GRIP2: variants seen among roughly 807,000 people sequenced by gnomAD.
GRIP2 encodes glutamate receptor interacting protein 2, also known as glutamate receptor-interacting protein 2.
In GRIP2, 58 loss-of-function variants were observed where a neutral mutation model predicts 108.3. That is an observed-to-expected ratio of 0.54 (90% CI 0.43 to 0.67). The LOEUF (loss-of-function observed/expected upper bound fraction) is 0.67, where lower values mean the gene tolerates loss of function less well. Ranked by LOEUF, GRIP2 falls within the 30% of genes least tolerant of loss-of-function variation. The probability of loss-of-function intolerance (pLI) is 0.00; values close to 1 mark genes in which losing one functional copy is unlikely to be tolerated. For missense variants in GRIP2, 1,278 were observed against 1,430.6 expected (o/e 0.89, Z 1.72); for synonymous variants, 586 against 598.2 (o/e 0.98, Z 0.30).
chr3:14,579,324 T>C, the GRIP2 span, among the ~76,000 whole-genome samples: 24 of 152,208 alleles, frequency 1.6e-4, no homozygotes, highest in Non-Finnish European at 3.2e-4. Context: ...GGTTGGTGGC[T>C]ACATAAAAAT....
At chr3:14,528,757 G>T (rs937630513) in intron 1 of GRIP2, among the ~76,000 whole-genome samples, 3 of 152,066 alleles carry the variant, frequency 2.0e-5, no homozygotes, top group African/African-American at 7.2e-5. Flanking sequence ...ATTTTAATTT[G>T]CATTTGTCTA....
At chr3:14,501,443 C>T (rs1693761985) in intron 21 of GRIP2, among the ~76,000 whole-genome samples, 1 of 152,084 alleles carries the variant, frequency 6.6e-6, no homozygotes, top group Non-Finnish European at 1.5e-5. Context: ...GACATAATAA[C>T]CAAGCTCCAA....
intron 1 of GRIP2, among the ~76,000 whole-genome samples, chr3:14,535,568 C>T (rs904598216): frequency 2.6e-5 from 4 of 152,178 alleles, no homozygotes; most frequent in Admixed American, 6.5e-5. Context: ...ACTTTTGAGG[C>T]GGTATAATCA....
chr3:14,543,788 CA>C (rs1695016171), upstream of GRIP2, among the ~76,000 whole-genome samples: 1 of 152,234 alleles, frequency 6.6e-6, no homozygotes, highest in Non-Finnish European at 1.5e-5. Context: ...AGCTGGCAGG[CA>C]GCCCCTCTTT....
At chr3:14,574,743 A>G in the GRIP2 span, 1 of 472,820 alleles carries the variant, frequency 2.1e-6, no homozygotes, top group East Asian at 4.7e-5. Context: ...GCAGCCTTTC[A>G]TCAGTGCTGC....
intron 11 of GRIP2, 23 bp from the exon 12 acceptor site, chr3:14,514,501 A>G: frequency 6.6e-7 from 1 of 1,523,838 alleles, no homozygotes; most frequent in Non-Finnish European, 8.9e-7. Context: ...TGGGCCCAGC[A>G]TTCAGGTGAG....
chr3:14,524,249 C>T (rs568618768), intron 4 of GRIP2, 144 bp downstream of exon 4: 491 of 911,548 alleles, frequency 5.4e-4, no homozygotes, highest in Middle Eastern at 3.5e-4. Flanking sequence ...AGCCCCTAGG[C>T]GAGGTATGGA....
chr3:14,593,037 T>C, the GRIP2 span, among the ~76,000 whole-genome samples: 1 of 152,148 alleles, frequency 6.6e-6, no homozygotes, highest in Admixed American at 6.5e-5. Flanking sequence ...GGTACACTCA[T>C]AGGCCAGGAC....
Position 14,511,581 on chromosome 3 carries a change from CT to C in GRIP2, c.1721-103del, listed in dbSNP as rs1246070137. 1 of 1,099,226 alleles carries C rather than the reference CT, an allele frequency of 9.1e-7. No homozygotes were observed. Among genetic ancestry groups the C allele is most frequent in the Non-Finnish European group, 1.3e-6 (1 of 740,900 alleles). The allele number at this position is 1,099,226 out of a possible 1,614,324, so 68.1% of individuals were successfully genotyped here. ...TGTGGACTCGGAGCCACTGGTCCTA[CT>C]CACATCCTGGTCCCACTGCTTCCTG... On this transcript the variant is annotated intron_variant, in intron 14 of 23. Coordinates refer to ENST00000621039, the MANE Select transcript of GRIP2 (RefSeq NM_001080423.4). The surrounding 1 kb of genome is among the most constrained non-coding windows in gnomAD (Gnocchi z 4.1).
chr3:14,511,545 AGGGGTCTGAGTGT>A lies in GRIP2; in HGVS notation c.1721-79_1721-67del, dbSNP rs1320510603. On this transcript the variant is annotated intron_variant, in intron 14 of 23. Transcript: ENST00000621039. This position sits in a 1 kb window ranked among gnomAD's most constrained non-coding sequence, Gnocchi z 4.1. ...AGCCTGGGGTGGGGTGGCGAAGCCCAGGGGTCTGAGTGTGGACTCGGAGCCACTGGTCCTACTC... is the reference window on the plus strand; with the variant it reads ...AGCCTGGGGTGGGGTGGCGAAGCCCAGGACTCGGAGCCACTGGTCCTACTC... 4.6e-6 allele frequency: 7 copies of A among 1,505,558 alleles called. No homozygotes were observed. In the Admixed American group the frequency reaches 8.7e-5, roughly 19 times the overall value. The allele number at this position is 1,505,558 out of a possible 1,614,324, so 93.3% of individuals were successfully genotyped here. A position where few individuals can be genotyped will look rare whatever the true frequency, so the allele number is the denominator to read the frequency against.
chr3:14,497,576 C>A (rs1208507438), intron 21 of GRIP2, among the ~76,000 whole-genome samples: 6 of 152,172 alleles, frequency 3.9e-5, no homozygotes, highest in Admixed American at 3.9e-4. Flanking sequence ...CCCTCTAGAC[C>A]ACAGTAAGAA....
chr3:14,523,586 A>G, intron 5 of GRIP2, 26 bp downstream of exon 5: 3 of 1,490,052 alleles, frequency 2.0e-6, no homozygotes, highest in Non-Finnish European at 2.8e-6. Context: ...TGCTGCCCCA[A>G]TACCAAGGGC....
intron 21 of GRIP2, among the ~76,000 whole-genome samples, chr3:14,501,065 G>A (rs1007646818): frequency 1.2e-4 from 19 of 152,220 alleles, no homozygotes; most frequent in African/African-American, 4.6e-4. Flanking sequence ...AAAAAGGGAT[G>A]AAGTACTGAC....
Position 14,520,234 on chromosome 3 carries a change from G to A in GRIP2, c.906C>T (p.Gly302=). Residue 302 remains glycine, a synonymous_variant, in exon 9 of 24, where the codon GGC becomes GGT. Transcript: ENST00000621039. ...HPGDHILSID[G]TSMEHCSLLE... Reference sequence around the variant, plus strand: ...GCAGCGAGCAGTGTTCCATGCTGGTGCCATCGATGGACAGGATGTGGTCTC... The same window carrying A: ...GCAGCGAGCAGTGTTCCATGCTGGTACCATCGATGGACAGGATGTGGTCTC... 1 of 1,613,840 alleles carries A rather than the reference G, an allele frequency of 6.2e-7. No homozygotes were observed. Among genetic ancestry groups the A allele is most frequent in the East Asian group, 2.2e-5 (1 of 44,882 alleles).
At chr3:14,588,683 T>C in the GRIP2 span, among the ~76,000 whole-genome samples, 3 of 152,168 alleles carry the variant, frequency 2.0e-5, no homozygotes, top group Non-Finnish European at 4.4e-5. Flanking sequence ...AGCAGTAAAT[T>C]TAAGGCTCCA....
At chr3:14,552,736 G>T (rs1457992609) in intron 1 of GRIP2, among the ~76,000 whole-genome samples, 2 of 151,842 alleles carry the variant, frequency 1.3e-5, no homozygotes, top group Non-Finnish European at 2.9e-5. Context: ...GGAATTACAG[G>T]CGTGCGCCAC....
chr3:14,520,235 C>A lies in GRIP2; in HGVS notation c.905G>T (p.Gly302Val). ...HPGDHILSIDGTSMEHCSLLE... is the reference protein window; with the variant it reads ...HPGDHILSIDVTSMEHCSLLE... ...CAGCGAGCAGTGTTCCATGCTGGTG[C>A]CATCGATGGACAGGATGTGGTCTCC... The change falls in exon 9 of 24, where the codon GGC becomes GTC. Residue 302 changes from glycine (G) to valine (V), a missense_variant. Gly to Val is a moderately radical substitution (Grantham distance 109). Transcript: ENST00000621039. 2 of 1,613,854 alleles carry A rather than the reference C, an allele frequency of 1.2e-6. No homozygotes were observed. Among genetic ancestry groups the A allele is most frequent in the Non-Finnish European group, 1.7e-6 (2 of 1,179,874 alleles).
the GRIP2 span, among the ~76,000 whole-genome samples, chr3:14,597,740 G>C: frequency 6.6e-6 from 1 of 152,106 alleles, no homozygotes; most frequent in South Asian, 2.1e-4. Context: ...TTAAAGGAGA[G>C]GGTAAGAAAA....
At chr3:14,555,799 C>A (rs1410439249) in intron 1 of GRIP2, 4 of 399,472 alleles carry the variant, frequency 1.0e-5, no homozygotes, top group Non-Finnish European at 1.8e-5. Context: ...CAAAAGGCTC[C>A]GCGAGAGAGA....
Sources: gnomAD v4.1 joint callset for allele counts (sites outside exome capture counted in the v4.1 genomes callset) on GRCh38, gnomAD v4.1.1 for gene constraint, Gnocchi (gnomAD v3.1) non-coding constraint, MANE v1.5 for transcripts, NCBI Gene and HGNC (gene_info 2026-07-23, HGNC 2026-07-21) for gene names.